Variants in CLVS1 observed in about 807,000 individuals in gnomAD.
The protein encoded by CLVS1 is clavesin-1.
A neutral mutation model predicts 33.1 loss-of-function variants in CLVS1; 10 were observed. That is an observed-to-expected ratio of 0.30 (90% CI 0.19 to 0.51). CLVS1 has a LOEUF of 0.51. Ranked by LOEUF, CLVS1 falls within the 20% of genes least tolerant of loss-of-function variation. The probability of loss-of-function intolerance (pLI) is 0.97; values close to 1 mark genes in which losing one functional copy is unlikely to be tolerated. For missense variants in CLVS1, 343 were observed against 433.4 expected, an observed-to-expected ratio of 0.79 and a Z score of 1.85; for synonymous variants, 163 against 166.1, an observed-to-expected ratio of 0.98 and a Z score of 0.14.
chr8:61,385,466 CTG>C (rs1814044550), intron 3 of CLVS1, among the ~76,000 whole-genome samples: 1 of 152,268 alleles, frequency 6.6e-6, no homozygotes, highest in African/African-American at 2.4e-5. Flanking sequence ...GAAAGAAACT[CTG>C]TGGAGAACCT....
At chr8:61,110,245 T>C (rs909840200) in intron 1 of CLVS1, among the ~76,000 whole-genome samples, 1 of 152,056 alleles carries the variant, frequency 6.6e-6, no homozygotes, top group Non-Finnish European at 1.5e-5. Context: ...CAAGTAGGGG[T>C]AAATTCTGTG....
intron 2 of CLVS1, among the ~76,000 whole-genome samples, chr8:61,166,414 G>A (rs565896742): frequency 6.6e-6 from 1 of 152,230 alleles, no homozygotes; most frequent in South Asian, 2.1e-4. Flanking sequence ...GATTACACGT[G>A]TGAGCCACCG....
At chr8:61,025,578 G>A in the CLVS1 span, among the ~76,000 whole-genome samples, 1 of 152,230 alleles carries the variant, frequency 6.6e-6, no homozygotes, top group Non-Finnish European at 1.5e-5. Flanking sequence ...AGTTCGAGGT[G>A]AAATCATCTT....
intron 2 of CLVS1, among the ~76,000 whole-genome samples, chr8:61,345,684 CAT>C (rs1306948983): frequency 1.3e-5 from 2 of 148,974 alleles, no homozygotes. Flanking sequence ...GGTTTGACAA[CAT>C]GTGTTGCTAT....
At chr8:61,344,423 C>T (rs770939379) in intron 2 of CLVS1, among the ~76,000 whole-genome samples, 2 of 152,098 alleles carry the variant, frequency 1.3e-5, no homozygotes, top group Non-Finnish European at 2.9e-5. Context: ...CAATGACTGT[C>T]GAGAGAGAAC....
At chr8:61,442,329 C>T (rs1816582846) in intron 3 of CLVS1, among the ~76,000 whole-genome samples, 1 of 152,128 alleles carries the variant, frequency 6.6e-6, no homozygotes, top group Admixed American at 6.5e-5. Flanking sequence ...TACCAGTTTG[C>T]TTAACCATTC....
chr8:61,072,770 C>G (rs917903139), intron 1 of CLVS1, among the ~76,000 whole-genome samples: 2 of 152,160 alleles, frequency 1.3e-5, no homozygotes, highest in Non-Finnish European at 2.9e-5. Context: ...AAAATAACAC[C>G]ATGAACCATA....
chr8:61,303,755 G>C (rs1350178836), intron 2 of CLVS1, among the ~76,000 whole-genome samples: 1 of 152,194 alleles, frequency 6.6e-6, no homozygotes, highest in Non-Finnish European at 1.5e-5. Context: ...TGTAAGTTGG[G>C]AATGAGAGTG....
Position 61,467,935 on chromosome 8 carries a change from T to A in CLVS1, c.977+9393T>A, listed in dbSNP as rs532901585. On this transcript the variant is annotated intron_variant, in intron 5 of 5. Coordinates refer to ENST00000325897, the MANE Select transcript of CLVS1 (RefSeq NM_173519.3). ...GACCTCTTCTGTCCCCCACAGGGTA[T>A]GTGTGTGCAGTGAAAGACGCTGGCT... Among the ~76,000 whole-genome samples, 32 of 152,322 alleles carry A rather than the reference T, an allele frequency of 2.1e-4. No individual in the cohort carries two copies. The South Asian group carries it at 6.4e-3, about 31-fold the overall frequency.
intron 2 of CLVS1, among the ~76,000 whole-genome samples, chr8:61,309,297 G>T (rs1348629406): frequency 6.6e-6 from 1 of 152,156 alleles, no homozygotes; most frequent in African/African-American, 2.4e-5. Flanking sequence ...GAATGAATCC[G>T]AGTCTCCATT....
chr8:61,002,540 G>A, the CLVS1 span, among the ~76,000 whole-genome samples: 3,456 of 151,696 alleles, frequency 0.023, 118 homozygotes, highest in African/African-American at 0.072. Context: ...CACCATGTTG[G>A]CCAGGCTGAT....
intron 2 of CLVS1, among the ~76,000 whole-genome samples, chr8:61,207,950 C>G (rs1215792490): frequency 7.9e-5 from 12 of 152,316 alleles, no homozygotes; most frequent in Admixed American, 7.2e-4. Context: ...TTTCAAGAAG[C>G]TGTGTTAGCC....
chr8:60,994,263 C>G, the CLVS1 span, among the ~76,000 whole-genome samples: 3 of 152,138 alleles, frequency 2.0e-5, no homozygotes, highest in East Asian at 5.8e-4. Flanking sequence ...TGGATGAGGA[C>G]CCACCCTAAT....
chr8:61,301,524 G>A (rs1278844254), intron 2 of CLVS1, among the ~76,000 whole-genome samples: 7 of 152,156 alleles, frequency 4.6e-5, no homozygotes, highest in African/African-American at 1.2e-4. Flanking sequence ...AACAGCTACC[G>A]TTATCATAGC....
intron 2 of CLVS1, among the ~76,000 whole-genome samples, chr8:61,256,783 G>A (rs1401074812): frequency 6.6e-6 from 1 of 152,158 alleles, no homozygotes; most frequent in Non-Finnish European, 1.5e-5. Flanking sequence ...GAATTGTGAG[G>A]TGACAAGTGA....
intron 2 of CLVS1, among the ~76,000 whole-genome samples, chr8:61,305,844 T>C (rs1810605474): frequency 6.6e-6 from 1 of 152,218 alleles, no homozygotes; most frequent in South Asian, 2.1e-4. Flanking sequence ...TTGCTAAGGA[T>C]AATGGCTTCC....
chr8:61,081,075 T>G (rs1022634865), intron 1 of CLVS1, among the ~76,000 whole-genome samples: 5 of 152,196 alleles, frequency 3.3e-5, no homozygotes, highest in African/African-American at 7.2e-5. Flanking sequence ...GATTAAAAAT[T>G]GGTCTTAAGT....
the CLVS1 span, among the ~76,000 whole-genome samples, chr8:61,044,177 A>G: frequency 6.6e-6 from 1 of 152,214 alleles, no homozygotes; most frequent in African/African-American, 2.4e-5. Flanking sequence ...GTATCTGGGT[A>G]GAATGGGATG....
chr8:60,982,396 T>C, the CLVS1 span, among the ~76,000 whole-genome samples: 1 of 152,190 alleles, frequency 6.6e-6, no homozygotes, highest in Non-Finnish European at 1.5e-5. Context: ...AAATAGAAAA[T>C]GATTTTGGAA....
Sources: gnomAD v4.1 joint callset for allele counts (sites outside exome capture counted in the v4.1 genomes callset) on GRCh38, gnomAD v4.1.1 for gene constraint, MANE v1.5 for transcripts, NCBI Gene and HGNC (gene_info 2026-07-23, HGNC 2026-07-21) for gene names.